Variants in CAMKMT observed in about 807,000 individuals in gnomAD.
CAMKMT encodes the protein calmodulin-lysine N-methyltransferase.
CAMKMT carries 53 observed loss-of-function variants against 48.0 expected under a neutral mutation model. The observed-to-expected ratio is 1.10, with a 90% CI of 0.89 to 1.39. The LOEUF (loss-of-function observed/expected upper bound fraction) is 1.39, where lower values mean the gene tolerates loss of function less well. Ranked by LOEUF, CAMKMT falls within the 40% of genes most tolerant of loss-of-function variation. The pLI, the probability that CAMKMT is intolerant of heterozygous loss-of-function variation, is 0.00. For missense variants in CAMKMT, 428 were observed against 402.7 expected, an observed-to-expected ratio of 1.06 and a Z score of -0.54; for synonymous variants, 165 against 152.3, an observed-to-expected ratio of 1.08 and a Z score of -0.61.
chr2:44,444,442 A>C (rs1166089542), intron 3 of CAMKMT, among the ~76,000 whole-genome samples: 2 of 152,164 alleles, frequency 1.3e-5, no homozygotes, highest in Non-Finnish European at 2.9e-5. Flanking sequence ...CTCTGATAAA[A>C]ATGTTAAAAA....
At chr2:44,612,181 T>C (rs1671638046) in intron 3 of CAMKMT, among the ~76,000 whole-genome samples, 1 of 98,654 alleles carries the variant, frequency 1.0e-5, no homozygotes, top group East Asian at 2.2e-4. Context: ...GAAGCCGTTA[T>C]CATTAGAATG....
At chr2:44,480,785 A>G (rs1348890157) in intron 3 of CAMKMT, among the ~76,000 whole-genome samples, 1 of 152,020 alleles carries the variant, frequency 6.6e-6, no homozygotes, top group Non-Finnish European at 1.5e-5. Flanking sequence ...TGTAAACTCT[A>G]TATTTTTGAA....
chr2:44,448,686 T>G (rs546232807), intron 3 of CAMKMT, among the ~76,000 whole-genome samples: 1 of 152,290 alleles, frequency 6.6e-6, no homozygotes, highest in Middle Eastern at 3.4e-3. Flanking sequence ...TGTAAACATA[T>G]TTTTCACTAA....
At chr2:44,615,503 G>A (rs1671838028) in intron 3 of CAMKMT, among the ~76,000 whole-genome samples, 1 of 152,148 alleles carries the variant, frequency 6.6e-6, no homozygotes, top group Non-Finnish European at 1.5e-5. Context: ...AAAGGAGAAT[G>A]GAGACGCAAG....
intron 1 of CAMKMT, among the ~76,000 whole-genome samples, chr2:44,368,909 G>A (rs183187677): frequency 5.3e-5 from 8 of 152,040 alleles, no homozygotes; most frequent in African/African-American, 1.9e-4. Context: ...TTGCTCTGTT[G>A]CCTGCGCTGG....
At chr2:44,682,581 T>G (rs975076855) in intron 3 of CAMKMT, among the ~76,000 whole-genome samples, 3 of 152,196 alleles carry the variant, frequency 2.0e-5, no homozygotes, top group Non-Finnish European at 4.4e-5. Flanking sequence ...ATATATCTAT[T>G]AACTGCCCAT....
chr2:44,673,679 A>G (rs1237445417), intron 3 of CAMKMT, among the ~76,000 whole-genome samples: 1 of 152,166 alleles, frequency 6.6e-6, no homozygotes, highest in Non-Finnish European at 1.5e-5. Flanking sequence ...TGGGAAAATG[A>G]CAAATAAAGG....
chr2:44,459,222 A>G (rs1667729600), intron 3 of CAMKMT, among the ~76,000 whole-genome samples: 1 of 152,192 alleles, frequency 6.6e-6, no homozygotes, highest in Admixed American at 6.5e-5. Flanking sequence ...TTCAATAGTT[A>G]TTGTATATTC....
intron 3 of CAMKMT, among the ~76,000 whole-genome samples, chr2:44,528,231 C>G (rs2104819518): frequency 6.6e-6 from 1 of 151,952 alleles, no homozygotes; most frequent in East Asian, 1.9e-4. Flanking sequence ...AGGGTCATTT[C>G]CTAACTTAGA....
At chr2:44,724,721 G>C (rs1011203174) in intron 7 of CAMKMT, among the ~76,000 whole-genome samples, 1 of 152,148 alleles carries the variant, frequency 6.6e-6, no homozygotes. Flanking sequence ...GTGAAGATGT[G>C]ACCTCAGTGG....
intron 3 of CAMKMT, among the ~76,000 whole-genome samples, chr2:44,542,078 G>A (rs1333020061): frequency 2.0e-5 from 3 of 149,032 alleles, no homozygotes; most frequent in Admixed American, 6.8e-5. Flanking sequence ...GCGGTGAGCC[G>A]AGATCGTGCC....
chr2:44,456,270 G>A (rs1667558931), intron 3 of CAMKMT, among the ~76,000 whole-genome samples: 1 of 152,154 alleles, frequency 6.6e-6, no homozygotes, highest in Non-Finnish European at 1.5e-5. Flanking sequence ...CAACAAAAGA[G>A]TTACAGGTTA....
chr2:44,687,910 A>C (rs868176691), intron 3 of CAMKMT, among the ~76,000 whole-genome samples: 59 of 152,244 alleles, frequency 3.9e-4, no homozygotes, highest in African/African-American at 1.3e-3. Flanking sequence ...AAAACAAAAG[A>C]GCAGTTTTAG....
intron 6 of CAMKMT, among the ~76,000 whole-genome samples, chr2:44,713,255 T>G (rs1027350980): frequency 2.6e-5 from 4 of 152,134 alleles, no homozygotes; most frequent in African/African-American, 9.7e-5. Context: ...AAGTATTACC[T>G]CCACTAACAA....
intron 3 of CAMKMT, among the ~76,000 whole-genome samples, chr2:44,575,725 A>G (rs1471034898): frequency 6.6e-6 from 1 of 152,016 alleles, no homozygotes; most frequent in Non-Finnish European, 1.5e-5. Context: ...TGCAAAAATT[A>G]GCTTGGCATT....
intron 3 of CAMKMT, among the ~76,000 whole-genome samples, chr2:44,595,644 A>G (rs925332313): frequency 2.6e-5 from 4 of 152,238 alleles, no homozygotes; most frequent in African/African-American, 9.6e-5. Flanking sequence ...GGAAAAAGCT[A>G]CTTTAAAGTT....
At chr2:44,583,489 T>C (rs1301986882) in intron 3 of CAMKMT, among the ~76,000 whole-genome samples, 1 of 152,224 alleles carries the variant, frequency 6.6e-6, no homozygotes, top group East Asian at 1.9e-4. Flanking sequence ...AAACTCAATT[T>C]TTTGCACTTA....
chr2:44,490,160 A>G (rs1041921254), intron 3 of CAMKMT, among the ~76,000 whole-genome samples: 1 of 152,240 alleles, frequency 6.6e-6, no homozygotes, highest in Admixed American at 6.5e-5. Flanking sequence ...AAGGAAAAAT[A>G]TATAGACTTT....
At chr2:44,600,241 C>G (rs1473327716) in intron 3 of CAMKMT, among the ~76,000 whole-genome samples, 2 of 151,872 alleles carry the variant, frequency 1.3e-5, no homozygotes, top group Non-Finnish European at 2.9e-5. Flanking sequence ...TTACATACCA[C>G]CACTATCATG....
Sources: gnomAD v4.1 joint callset for allele counts (sites outside exome capture counted in the v4.1 genomes callset) on GRCh38, gnomAD v4.1.1 for gene constraint, MANE v1.5 for transcripts, NCBI Gene and HGNC (gene_info 2026-07-23, HGNC 2026-07-21) for gene names.